MBOAT2: variants seen among roughly 807,000 people sequenced by gnomAD.
MBOAT2 encodes the protein membrane bound glycerophospholipid O-acyltransferase 2.
In MBOAT2, 28 loss-of-function variants were observed where a neutral mutation model predicts 63.4. The observed-to-expected ratio is 0.44, with a 90% CI of 0.33 to 0.61. MBOAT2 has a LOEUF of 0.61. Among genes scored for constraint, MBOAT2 ranks in the 20% least tolerant of loss-of-function variants. The pLI, the probability that MBOAT2 is intolerant of heterozygous loss-of-function variation, is 0.03. For missense variants in MBOAT2, 470 were observed against 605.8 expected (o/e 0.78, Z 2.35); for synonymous variants, 211 against 215.6 (o/e 0.98, Z 0.19).
chr2:9,003,017 C>A lies in MBOAT2; in HGVS notation c.75+523G>T, dbSNP rs767078162. Among the ~76,000 whole-genome samples the A allele has an allele frequency of 1.3e-5, 2 of 152,164 alleles. No homozygotes were observed. The highest frequency in any genetic ancestry group is 1.3e-4 in the Admixed American group (2 of 15,284). On this transcript the variant is annotated intron_variant, in intron 1 of 12. Coordinates refer to ENST00000305997, the MANE Select transcript of MBOAT2 (RefSeq NM_138799.4). The surrounding 1 kb of genome is among the most constrained non-coding windows in gnomAD (Gnocchi z 5.4). ...GCAGTAGCGCTTAAGCCTCTCCGGG[C>A]CCCTAGCACCCATCGACGCCGTCTC...
chr2:8,962,939 T>A (rs1669716318), intron 1 of MBOAT2, among the ~76,000 whole-genome samples: 1 of 152,096 alleles, frequency 6.6e-6, no homozygotes, highest in African/African-American at 2.4e-5. Flanking sequence ...AGGAGAAAGA[T>A]AAACATCAGT....
intron 3 of MBOAT2, among the ~76,000 whole-genome samples, chr2:8,911,655 G>A (rs1665717144): frequency 6.6e-6 from 1 of 152,026 alleles, no homozygotes; most frequent in African/African-American, 2.4e-5. Flanking sequence ...CTTGAGAACT[G>A]GTTGTTAAAA....
At chr2:8,928,759 C>G (rs1427651688) in intron 3 of MBOAT2, among the ~76,000 whole-genome samples, 4 of 152,130 alleles carry the variant, frequency 2.6e-5, no homozygotes, top group African/African-American at 9.7e-5. Context: ...AACAGATCCT[C>G]AAATGTTTCT....
rs537531129 is a variant in MBOAT2, at chr2:9,003,020, CT to C, written c.75+519del. 2.9e-4 allele frequency among the ~76,000 whole-genome samples: 44 copies of C among 152,298 alleles called. No homozygotes were observed. Among genetic ancestry groups the C allele is most frequent in the African/African-American group, 1.0e-3 (43 of 41,574 alleles). ...GTAGCGCTTAAGCCTCTCCGGGCCC[CT>C]AGCACCCATCGACGCCGTCTCTAAG... On this transcript the variant is annotated intron_variant, in intron 1 of 12. Coordinates refer to ENST00000305997, the MANE Select transcript of MBOAT2 (RefSeq NM_138799.4). This position sits in a 1 kb window ranked among gnomAD's most constrained non-coding sequence, Gnocchi z 5.4.
intron 6 of MBOAT2, among the ~76,000 whole-genome samples, chr2:8,877,596 G>A (rs980271559): frequency 6.6e-6 from 1 of 152,182 alleles, no homozygotes; most frequent in East Asian, 1.9e-4. Context: ...ACAAAGGAGA[G>A]GACAATCCTG....
intron 1 of MBOAT2, among the ~76,000 whole-genome samples, chr2:8,959,970 C>A (rs988178002): frequency 4.6e-5 from 7 of 152,174 alleles, no homozygotes; most frequent in African/African-American, 1.7e-4. Context: ...ATAGAAATAT[C>A]TCTGCCTAAA....
chr2:8,865,537 T>A (rs193283870), intron 9 of MBOAT2, among the ~76,000 whole-genome samples: 1 of 152,176 alleles, frequency 6.6e-6, no homozygotes, highest in East Asian at 1.9e-4. Flanking sequence ...AGCTTCACAC[T>A]CTCCCCTCCA....
At chr2:8,967,485 C>T (rs550182422) in intron 1 of MBOAT2, among the ~76,000 whole-genome samples, 4 of 152,136 alleles carry the variant, frequency 2.6e-5, no homozygotes, top group South Asian at 2.1e-4. Context: ...TGGGAAGACT[C>T]GGAATCATAA....
Position 8,882,564 on chromosome 2 carries a change from C to A in MBOAT2, c.453G>T (p.Gly151=). 1 of 1,614,194 alleles carries A rather than the reference C, an allele frequency of 6.2e-7. No homozygotes were observed. Among genetic ancestry groups the A allele is most frequent in the Middle Eastern group, 1.6e-4 (1 of 6,062 alleles). Residue 151 remains glycine, a splice_region_variant and synonymous_variant, in exon 6 of 13, where the codon GGG becomes GGT. Transcript: ENST00000305997. ...ITSLACEIHD[G]MFRKDEELTS... is the part of the protein sequence containing the mutation. ...TCAGTTCTTCATCCTTCCGAAACAT[C>A]CCTGAGAAACAAAAATAGGTACTCA...
In MBOAT2 at chr2:8,882,794, T is replaced by A. The variant is rs143429784; in HGVS notation, c.452-229A>T. Among the ~76,000 whole-genome samples, 42 of 152,328 alleles carry A rather than the reference T, an allele frequency of 2.8e-4. 1 individual carries two copies. In the East Asian group the frequency reaches 7.1e-3, roughly 26 times the overall value. Reference sequence around the variant, plus strand: ...TCTGACTCCACTCTAAGGGGAGTTATAATTAAAGAATTCCCAAATGCTGGC... The same window carrying A: ...TCTGACTCCACTCTAAGGGGAGTTAAAATTAAAGAATTCCCAAATGCTGGC... On this transcript the variant is annotated intron_variant, in intron 5 of 12. Coordinates refer to ENST00000305997, the MANE Select transcript of MBOAT2 (RefSeq NM_138799.4).
intron 1 of MBOAT2, among the ~76,000 whole-genome samples, chr2:8,997,340 G>A (rs528510489): frequency 1.2e-4 from 19 of 152,174 alleles, no homozygotes; most frequent in Non-Finnish European, 2.6e-4. Context: ...AAGGCTGTTT[G>A]TACCTACAGA....
intron 3 of MBOAT2, among the ~76,000 whole-genome samples, chr2:8,938,187 A>G (rs1667796449): frequency 6.6e-6 from 1 of 152,184 alleles, no homozygotes; most frequent in African/African-American, 2.4e-5. Context: ...GAAATTTGGC[A>G]CTCTGTATCT....
chr2:8,955,353 T>C (rs1669139864), intron 2 of MBOAT2, among the ~76,000 whole-genome samples: 1 of 152,148 alleles, frequency 6.6e-6, no homozygotes, highest in South Asian at 2.1e-4. Flanking sequence ...TCAGACTGGG[T>C]TGCTCAGATC....
chr2:8,903,871 G>C (rs188063415), intron 4 of MBOAT2, among the ~76,000 whole-genome samples: 1 of 152,024 alleles, frequency 6.6e-6, no homozygotes, highest in African/African-American at 2.4e-5. Flanking sequence ...TATTCTTCTA[G>C]AGAAAAATTT....
chr2:8,938,547 C>T (rs1376762883), intron 3 of MBOAT2, among the ~76,000 whole-genome samples: 3 of 151,656 alleles, frequency 2.0e-5, no homozygotes, highest in Non-Finnish European at 2.9e-5. Context: ...CGTTTCATGC[C>T]GCCATCTCAT....
chr2:8,923,590 C>G (rs540315707), intron 3 of MBOAT2, among the ~76,000 whole-genome samples: 2 of 152,228 alleles, frequency 1.3e-5, no homozygotes, highest in South Asian at 4.2e-4. Context: ...TAAACTCTTT[C>G]TTTGCTACAA....
intron 3 of MBOAT2, among the ~76,000 whole-genome samples, chr2:8,913,279 A>C (rs1665922946): frequency 6.6e-6 from 1 of 152,236 alleles, no homozygotes; most frequent in Admixed American, 6.5e-5. Context: ...GGCTTAGGCA[A>C]GGATTTCATG....
At chr2:8,954,405 G>A (rs1669062022) in intron 2 of MBOAT2, among the ~76,000 whole-genome samples, 1 of 152,044 alleles carries the variant, frequency 6.6e-6, no homozygotes, top group Admixed American at 6.5e-5. Context: ...GGGGGGCAGG[G>A]GCCACAAAGA....
intron 1 of MBOAT2, among the ~76,000 whole-genome samples, chr2:8,998,042 C>T (rs550407151): frequency 2.0e-5 from 3 of 152,232 alleles, no homozygotes; most frequent in South Asian, 2.1e-4. Flanking sequence ...ATTTTCTCTC[C>T]AATTTGGTCC....
Sources: gnomAD v4.1 joint callset for allele counts (sites outside exome capture counted in the v4.1 genomes callset) on GRCh38, gnomAD v4.1.1 for gene constraint, Gnocchi (gnomAD v3.1) non-coding constraint, MANE v1.5 for transcripts, NCBI Gene and HGNC (gene_info 2026-07-23, HGNC 2026-07-21) for gene names.